SCHIP1: variants seen among roughly 807,000 people sequenced by gnomAD.
SCHIP1 encodes the protein schwannomin interacting protein 1.
SCHIP1 carries 8 observed loss-of-function variants against 29.7 expected under a neutral mutation model. That is an observed-to-expected ratio of 0.27 (90% CI 0.16 to 0.49). The LOEUF is 0.49. SCHIP1 is among the 20% of genes least tolerant of loss of function. SCHIP1 has a pLI of 0.99. For missense variants in SCHIP1, 193 were observed against 294.6 expected (o/e 0.66, Z 2.52); for synonymous variants, 76 against 94.9 (o/e 0.80, Z 1.16).
At chr3:159,559,708 T>G in the SCHIP1 span, among the ~76,000 whole-genome samples, 1 of 152,160 alleles carries the variant, frequency 6.6e-6, no homozygotes, top group Non-Finnish European at 1.5e-5. Flanking sequence ...ATTATCATAT[T>G]CCCAGAGAGT....
At chr3:159,609,425 G>A in the SCHIP1 span, among the ~76,000 whole-genome samples, 1 of 152,168 alleles carries the variant, frequency 6.6e-6, no homozygotes, top group Non-Finnish European at 1.5e-5. Context: ...AATGGCAAAG[G>A]CTATTAGTTG....
At chr3:159,543,206 TTTTTA>T in the SCHIP1 span, among the ~76,000 whole-genome samples, 17 of 151,504 alleles carry the variant, frequency 1.1e-4, no homozygotes, top group East Asian at 5.9e-4. Context: ...TTGTTTTGTT[TTTTTA>T]TTTTATTATT....
At chr3:159,524,527 T>A in the SCHIP1 span, among the ~76,000 whole-genome samples, 1 of 152,156 alleles carries the variant, frequency 6.6e-6, no homozygotes, top group East Asian at 1.9e-4. Context: ...TTCAAACCTA[T>A]CTCAGTAGAT....
the SCHIP1 span, among the ~76,000 whole-genome samples, chr3:159,522,166 T>C: frequency 6.6e-6 from 1 of 152,226 alleles, no homozygotes; most frequent in African/African-American, 2.4e-5. Flanking sequence ...TATGAAGTTT[T>C]TTCAATTGCA....
chr3:159,446,509 G>GTATTGTTGCATTACAGCAATACAA, the SCHIP1 span, among the ~76,000 whole-genome samples: 12 of 149,300 alleles, frequency 8.0e-5, no homozygotes, highest in Non-Finnish European at 1.6e-4. Flanking sequence ...CAGCAATACA[G>GTATTGTTGCATTACAGCAATACAA]TATTGTTGCA....
chr3:159,687,797 G>A, the SCHIP1 span, among the ~76,000 whole-genome samples: 9 of 152,020 alleles, frequency 5.9e-5, no homozygotes, highest in African/African-American at 2.2e-4. Context: ...TCCCCTTCCT[G>A]TGCCCATATG....
intron 1 of SCHIP1, among the ~76,000 whole-genome samples, chr3:159,863,325 C>T (rs1390388480): frequency 2.0e-5 from 3 of 150,322 alleles, no homozygotes; most frequent in Admixed American, 6.6e-5. Context: ...GGTGACAGAG[C>T]GAGACTCCAT....
chr3:159,381,601 T>C, the SCHIP1 span, among the ~76,000 whole-genome samples: 2 of 151,312 alleles, frequency 1.3e-5, no homozygotes, highest in South Asian at 4.2e-4. Context: ...CCTGGATTTC[T>C]TTTTCTTCTT....
At chr3:159,552,032 CTTTTTTTTTTT>C in the SCHIP1 span, among the ~76,000 whole-genome samples, 1,689 of 103,614 alleles carry the variant, frequency 0.016, 39 homozygotes, top group African/African-American at 0.061. Context: ...TGCCACATTG[CTTTTTTTTTTT>C]TTTTTTTTTT....
At chr3:159,509,608 G>T in the SCHIP1 span, among the ~76,000 whole-genome samples, 1 of 152,192 alleles carries the variant, frequency 6.6e-6, no homozygotes, top group African/African-American at 2.4e-5. Context: ...GCTGGTACTG[G>T]TTGTTCCTTT....
At chr3:159,530,281 T>A in the SCHIP1 span, among the ~76,000 whole-genome samples, 6 of 152,144 alleles carry the variant, frequency 3.9e-5, no homozygotes, top group African/African-American at 1.4e-4. Context: ...AGTCATCTGA[T>A]GACCCAGTAT....
the SCHIP1 span, among the ~76,000 whole-genome samples, chr3:159,511,661 A>T: frequency 1.3e-5 from 2 of 152,226 alleles, no homozygotes; most frequent in South Asian, 4.1e-4. Context: ...ACAAGGATAG[A>T]CAGATCAACT....
the SCHIP1 span, among the ~76,000 whole-genome samples, chr3:159,783,542 C>A: frequency 2.0e-5 from 3 of 152,208 alleles, no homozygotes; most frequent in Non-Finnish European, 4.4e-5. Context: ...AATAATCTTG[C>A]AATTTTCCTG....
chr3:159,335,924 C>T, the SCHIP1 span, among the ~76,000 whole-genome samples: 1 of 152,218 alleles, frequency 6.6e-6, no homozygotes, highest in African/African-American at 2.4e-5. Context: ...GCCACACTGA[C>T]TTCCACAATG....
the SCHIP1 span, among the ~76,000 whole-genome samples, chr3:159,780,230 A>G: frequency 1.3e-5 from 2 of 152,224 alleles, no homozygotes; most frequent in South Asian, 4.1e-4. Flanking sequence ...AGGCCCTCGC[A>G]GTGTTGACTG....
At chr3:159,321,997 T>C in the SCHIP1 span, among the ~76,000 whole-genome samples, 1 of 152,106 alleles carries the variant, frequency 6.6e-6, no homozygotes, top group Non-Finnish European at 1.5e-5. Flanking sequence ...TCTTTTGCTT[T>C]AAATGCATTT....
At chr3:159,758,191 C>T in the SCHIP1 span, among the ~76,000 whole-genome samples, 1,250 of 152,144 alleles carry the variant, frequency 8.2e-3, 24 homozygotes, top group African/African-American at 0.028. Flanking sequence ...CTTGCTCTGT[C>T]ACCCAGGCTG....
At chr3:159,667,503 G>C in the SCHIP1 span, among the ~76,000 whole-genome samples, 3 of 152,336 alleles carry the variant, frequency 2.0e-5, no homozygotes, top group South Asian at 6.2e-4. Flanking sequence ...GGCCAGGCCG[G>C]AGACTCAGGC....
the SCHIP1 span, among the ~76,000 whole-genome samples, chr3:159,409,772 T>C: frequency 3.3e-5 from 5 of 151,930 alleles, no homozygotes; most frequent in African/African-American, 1.2e-4. Flanking sequence ...TTTGCAGAAA[T>C]AGAAAAGAGA....
Sources: allele counts gnomAD v4.1 joint callset (sites outside exome capture counted in the v4.1 genomes callset), GRCh38; gene constraint gnomAD v4.1.1; transcripts MANE v1.5; gene names NCBI Gene and HGNC (gene_info 2026-07-23, HGNC 2026-07-21).